The following CCSER1 variants were observed in gnomAD, a reference collection of about 807,000 sequenced individuals.
CCSER1 encodes serine-rich coiled-coil domain-containing protein 1.
A neutral mutation model predicts 82.0 loss-of-function variants in CCSER1; 41 were observed. The ratio of observed to expected loss-of-function variants is 0.50; its 90% confidence interval spans 0.39 to 0.65. The LOEUF (loss-of-function observed/expected upper bound fraction) is 0.65. Among genes scored for constraint, CCSER1 ranks in the 30% least tolerant of loss-of-function variants. The pLI is 0.00. For missense variants in CCSER1, 1,119 were observed against 1,064.2 expected, an observed-to-expected ratio of 1.05 and a Z score of -0.72; for synonymous variants, 414 against 383.9, an observed-to-expected ratio of 1.08 and a Z score of -0.92.
At chr4:91,508,160 G>GA (rs1759614696) in intron 10 of CCSER1, among the ~76,000 whole-genome samples, 1 of 100,766 alleles carries the variant, frequency 9.9e-6, no homozygotes, top group Admixed American at 1.0e-4. Flanking sequence ...TTTTTTTTCT[G>GA]GGTTTTTTTT....
At chr4:90,306,685 A>C (rs1734338876) in intron 1 of CCSER1, among the ~76,000 whole-genome samples, 1 of 152,216 alleles carries the variant, frequency 6.6e-6, no homozygotes, top group Non-Finnish European at 1.5e-5. Context: ...TCTCATATTT[A>C]TCAGGATGAT....
intron 1 of CCSER1, among the ~76,000 whole-genome samples, chr4:90,174,395 T>G (rs1055509512): frequency 2.6e-5 from 4 of 151,948 alleles, no homozygotes; most frequent in African/African-American, 9.7e-5. Context: ...AAGCTCTAAT[T>G]TTTAAGGCAC....
At chr4:90,142,769 C>T (rs1191468096) in intron 1 of CCSER1, among the ~76,000 whole-genome samples, 6 of 151,162 alleles carry the variant, frequency 4.0e-5, no homozygotes, top group Non-Finnish European at 8.8e-5. Context: ...TATTTCTTTT[C>T]TTTACTGAGA....
At chr4:90,893,792 T>TGTGTGTGG (rs34693713) in intron 8 of CCSER1, among the ~76,000 whole-genome samples, 76 of 145,430 alleles carry the variant, frequency 5.2e-4, no homozygotes, top group Admixed American at 9.4e-4. Flanking sequence ...TGTGTGTGTG[T>TGTGTGTGG]GGGGGGTGAA....
chr4:90,933,002 A>G lies in CCSER1; in HGVS notation c.2172+9555A>G, dbSNP rs1320120557. 2.9e-4 allele frequency among the ~76,000 whole-genome samples: 23 copies of G among 78,372 alleles called. 6 individuals carry two copies. Among genetic ancestry groups the G allele is most frequent in the African/African-American group, 7.4e-4 (8 of 10,826 alleles). The allele number at this position is 78,372 out of a possible 152,430, so 51.4% of individuals were successfully genotyped here. ...AGAAAGAGAAAGAAAGAAAGAAAGA[A>G]AGAAAGAAAGAAAGAAAGAAAGAAA... On this transcript the variant is annotated intron_variant, in intron 9 of 10. Transcript: ENST00000509176.
chr4:90,730,301 T>A (rs982128991), intron 7 of CCSER1, among the ~76,000 whole-genome samples: 7 of 152,200 alleles, frequency 4.6e-5, no homozygotes, highest in African/African-American at 1.7e-4. Flanking sequence ...TCCTTTTCAT[T>A]TATTGAATGT....
chr4:90,607,628 A>G (rs180704612), intron 5 of CCSER1, among the ~76,000 whole-genome samples: 1 of 152,056 alleles, frequency 6.6e-6, no homozygotes, highest in Admixed American at 6.6e-5. Flanking sequence ...CTGTAATACC[A>G]GTTATGTTCG....
chr4:90,268,176 ATAATGT>A (rs1344253591), intron 1 of CCSER1, among the ~76,000 whole-genome samples: 6 of 152,338 alleles, frequency 3.9e-5, no homozygotes, highest in South Asian at 4.1e-4. Flanking sequence ...CTGAAAGAAA[ATAATGT>A]TAATGAGCAA....
At chr4:90,206,741 A>C (rs1738912739) in intron 1 of CCSER1, among the ~76,000 whole-genome samples, 1 of 137,488 alleles carries the variant, frequency 7.3e-6, no homozygotes, top group African/African-American at 3.0e-5. Context: ...TCAAGTCCTG[A>C]ATATCCTTGT....
intron 9 of CCSER1, among the ~76,000 whole-genome samples, chr4:91,005,763 G>A (rs1367919448): frequency 6.6e-6 from 1 of 152,102 alleles, no homozygotes; most frequent in African/African-American, 2.4e-5. Flanking sequence ...GTATATGATA[G>A]GGTTCTAGTT....
At chr4:91,216,287 T>C (rs1737232435) in intron 10 of CCSER1, among the ~76,000 whole-genome samples, 1 of 152,180 alleles carries the variant, frequency 6.6e-6, no homozygotes, top group African/African-American at 2.4e-5. Flanking sequence ...ATGAGTAACA[T>C]GATGCATTAA....
At chr4:90,801,323 A>C (rs1055998684) in intron 7 of CCSER1, among the ~76,000 whole-genome samples, 3 of 152,152 alleles carry the variant, frequency 2.0e-5, no homozygotes, top group African/African-American at 7.2e-5. Flanking sequence ...TAGAAATGTA[A>C]TATGTTTTCA....
At chr4:91,353,597 C>A (rs75760657) in intron 10 of CCSER1, among the ~76,000 whole-genome samples, 6,998 of 152,224 alleles carry the variant, frequency 0.046, 520 homozygotes, top group African/African-American at 0.16. Flanking sequence ...CTCTTTCCTC[C>A]TTTCCCCCCT....
intron 10 of CCSER1, among the ~76,000 whole-genome samples, chr4:91,175,396 A>G (rs9761207): frequency 0.041 from 6,184 of 152,272 alleles, 176 homozygotes; most frequent in East Asian, 0.099. Flanking sequence ...AGGAATCGCC[A>G]CACTGCCTTC....
At chr4:91,533,699 A>G (rs1449852703) in intron 10 of CCSER1, among the ~76,000 whole-genome samples, 1 of 152,002 alleles carries the variant, frequency 6.6e-6, no homozygotes, top group Non-Finnish European at 1.5e-5. Flanking sequence ...AATGCAGTTG[A>G]GTTCTGTGTG....
chr4:91,558,554 A>G (rs1300097271), intron 10 of CCSER1, among the ~76,000 whole-genome samples: 1 of 151,674 alleles, frequency 6.6e-6, no homozygotes, highest in Non-Finnish European at 1.5e-5. Context: ...CACTACTGAT[A>G]AAGGCATACC....
intron 3 of CCSER1, among the ~76,000 whole-genome samples, chr4:90,320,440 A>T (rs765887089): frequency 1.3e-5 from 2 of 152,186 alleles, no homozygotes; most frequent in Non-Finnish European, 2.9e-5. Flanking sequence ...CATACCAATT[A>T]TGACATTGTT....
intron 7 of CCSER1, among the ~76,000 whole-genome samples, chr4:90,757,221 A>G (rs899546581): frequency 2.6e-5 from 4 of 152,210 alleles, no homozygotes; most frequent in Non-Finnish European, 4.4e-5. Context: ...ATTCTATAAA[A>G]TAGAGTAGGT....
At chr4:90,214,121 G>A (rs114864968) in intron 1 of CCSER1, among the ~76,000 whole-genome samples, 9 of 152,228 alleles carry the variant, frequency 5.9e-5, no homozygotes, top group African/African-American at 1.9e-4. Context: ...GGAATGAGGC[G>A]ATTAATTTGC....
Sources: gnomAD v4.1 joint callset for allele counts (sites outside exome capture counted in the v4.1 genomes callset) on GRCh38, gnomAD v4.1.1 for gene constraint, MANE v1.5 for transcripts, NCBI Gene and HGNC (gene_info 2026-07-23, HGNC 2026-07-21) for gene names.